TOP2A: variants seen among roughly 807,000 people sequenced by gnomAD.
The protein encoded by TOP2A is DNA topoisomerase II alpha.
Under a neutral mutation model 187.2 loss-of-function variants are expected in TOP2A, and 68 were observed. That is an observed-to-expected ratio of 0.36 (90% CI 0.30 to 0.44). The LOEUF (loss-of-function observed/expected upper bound fraction) is 0.44, where lower values mean the gene tolerates loss of function less well. TOP2A is among the 20% of genes least tolerant of loss of function. TOP2A has a pLI of 1.00. For synonymous variants in TOP2A, 542 were observed against 593.2 expected (o/e 0.91, Z 1.25); for missense variants, 1,196 against 1,808.7 (o/e 0.66, Z 6.14).
intron 11 of TOP2A, 94 bp from the exon 12 acceptor site, chr17:40,408,218 A>T: frequency 9.6e-7 from 1 of 1,044,226 alleles, no homozygotes; most frequent in Non-Finnish European, 1.4e-6. Context: ...GTGATAAAAC[A>T]CAATTTACTA....
chr17:40,408,500 T>C lies in TOP2A; in HGVS notation c.1334A>G (p.Asn445Ser), dbSNP rs1275627884. 3 of 1,612,578 alleles carry C rather than the reference T, an allele frequency of 1.9e-6. No individual in the cohort carries two copies. The highest frequency in any genetic ancestry group is 1.7e-5 in the Admixed American group (1 of 59,784). The change falls in exon 11 of 35, where the codon AAT becomes AGT. Residue 445 changes from asparagine to serine, a missense_variant. By Grantham distance (46) the Asn-to-Ser change is conservative (BLOSUM62 1). Coordinates refer to ENST00000423485, the MANE Select transcript of TOP2A (RefSeq NM_001067.4). ...CATTATTAAATATATACCTGCATCA[T>C]TGGCATCATCGAGTTTGGGAATTCC... ...IKGIPKLDDANDAGGRNSTEC... is the reference protein window; with the variant it reads ...IKGIPKLDDASDAGGRNSTEC...
chr17:40,392,971 C>T (rs1339652527), intron 29 of TOP2A, among the ~76,000 whole-genome samples: 3 of 152,102 alleles, frequency 2.0e-5, no homozygotes, highest in African/African-American at 7.2e-5. Context: ...CTTAGGGAGG[C>T]TGGGGCGGGA....
chr17:40,408,753 A>G (rs2035279441), intron 10 of TOP2A, 123 bp from the exon 11 acceptor site: 1 of 1,095,930 alleles, frequency 9.1e-7, no homozygotes, highest in Non-Finnish European at 1.4e-6. Context: ...GATGTAGAAC[A>G]ATAATTTCTG....
At chr17:40,392,402 T>C (rs2035036349) in intron 30 of TOP2A, 61 bp from the exon 31 acceptor site, 9 of 1,528,222 alleles carry the variant, frequency 5.9e-6, no homozygotes, top group Non-Finnish European at 7.1e-6. Flanking sequence ...AATTCATAGG[T>C]TGACATAACA....
intron 16 of TOP2A, among the ~76,000 whole-genome samples, chr17:40,405,634 T>A (rs944545935): frequency 1.3e-5 from 2 of 151,922 alleles, no homozygotes; most frequent in Admixed American, 1.3e-4. Flanking sequence ...TTTTATTTTT[T>A]ATTTTTTTTT....
chr17:40,398,647 T>A lies in TOP2A; in HGVS notation c.3454-6A>T, dbSNP rs1428410946. The A allele has an allele frequency of 3.8e-6, 6 of 1,599,038 alleles. No homozygotes were observed. Among genetic ancestry groups the A allele is most frequent in the Non-Finnish European group, 5.1e-6 (6 of 1,173,284 alleles). On this transcript the variant is annotated splice_region_variant and splice_polypyrimidine_tract_variant and intron_variant, in intron 26 of 34. Transcript: ENST00000423485. Reference sequence around the variant, plus strand: ...AATGTGTCCAGCTCTTGTTCCTTCATAAGATAATTACAAAATTGAGTTAAT... The same window carrying A: ...AATGTGTCCAGCTCTTGTTCCTTCAAAAGATAATTACAAAATTGAGTTAAT...
chr17:40,395,329 A>T, intron 29 of TOP2A, 120 bp downstream of exon 29: 1 of 475,376 alleles, frequency 2.1e-6, no homozygotes, highest in Non-Finnish European at 3.7e-6. Context: ...ATTGAGATAC[A>T]GTCCTCTTTC....
rs1419952665 is a variant in TOP2A, at chr17:40,402,781, CT to C, written c.2432+124del. ...GGGCTTTCCTGTATAAGCCTCACCC[CT>C]GGCCTCTGCCACTAGATGCCAGTAT... On this transcript the variant is annotated intron_variant, in intron 20 of 34. Transcript: ENST00000423485. 4.4e-5 allele frequency: 44 copies of C among 1,009,036 alleles called. No homozygotes were observed. The East Asian group carries it at 1.1e-3, about 26-fold the overall frequency. 62.5% of individuals were successfully genotyped at this position (1,009,036 alleles called of 1,614,324 possible).
chr17:40,391,118 A>C (rs889586598), intron 33 of TOP2A: 3 of 164,448 alleles, frequency 1.8e-5, no homozygotes, highest in African/African-American at 7.2e-5. Context: ...CAGTGGCTTG[A>C]TCATATAGCT....
chr17:40,400,186 C>T (rs1483582307), intron 23 of TOP2A, 23 bp downstream of exon 23: 7 of 1,609,894 alleles, frequency 4.3e-6, no homozygotes, highest in Non-Finnish European at 6.0e-6. Flanking sequence ...GAAACGTGTA[C>T]ATCTCACAAA....
chr17:40,401,330 CAA>C (rs2035177894), intron 20 of TOP2A, among the ~76,000 whole-genome samples: 1 of 152,022 alleles, frequency 6.6e-6, no homozygotes, highest in Non-Finnish European at 1.5e-5. Flanking sequence ...GTGGGATAAA[CAA>C]GAGAAGAAAA....
intron 34 of TOP2A, 97 bp downstream of exon 34, chr17:40,389,868 A>G: frequency 7.5e-7 from 1 of 1,328,308 alleles, no homozygotes; most frequent in South Asian, 1.5e-5. Context: ...TATGAGAGTT[A>G]ATTTTCTTAA....
intron 33 of TOP2A, 118 bp downstream of exon 33, chr17:40,391,388 G>T: frequency 9.4e-7 from 1 of 1,067,186 alleles, no homozygotes; most frequent in Non-Finnish European, 1.3e-6. Context: ...GCTTCCAATT[G>T]GAAAACATTT....
intron 33 of TOP2A, among the ~76,000 whole-genome samples, chr17:40,390,779 C>T (rs1471884840): frequency 6.6e-6 from 1 of 151,858 alleles, no homozygotes; most frequent in Admixed American, 6.6e-5. Flanking sequence ...GCATGTGCCA[C>T]CACACCTGGC....
chr17:40,409,679 G>T (rs1022272583), intron 10 of TOP2A: 18 of 222,044 alleles, frequency 8.1e-5, no homozygotes, highest in Non-Finnish European at 1.2e-4. Context: ...CAGCTACTCA[G>T]GAGGCAAGGA....
intron 20 of TOP2A, among the ~76,000 whole-genome samples, chr17:40,402,171 A>C (rs1417942206): frequency 6.6e-6 from 1 of 152,204 alleles, no homozygotes; most frequent in Non-Finnish European, 1.5e-5. Context: ...CTGAGCAATT[A>C]GAAGGATGGC....
rs917221907 is a variant in TOP2A, at chr17:40,400,766, T to C, written c.2664+84A>G. 9.1e-6 allele frequency: 14 copies of C among 1,539,650 alleles called. No individual in the cohort carries two copies. The African/African-American group carries it at 1.2e-4, about 14-fold the overall frequency. ...ATCTAAAGTATGAAATTAAATTTTA[T>C]GTTTGCATCATCTTTAATCATACAA... On this transcript the variant is annotated intron_variant, in intron 21 of 34. Coordinates refer to ENST00000423485, the MANE Select transcript of TOP2A (RefSeq NM_001067.4).
chr17:40,408,713 T>C, intron 10 of TOP2A, 83 bp from the exon 11 acceptor site: 1 of 1,399,584 alleles, frequency 7.1e-7, no homozygotes, highest in Non-Finnish European at 1.0e-6. Context: ...TGAGCCTTAA[T>C]ACAAATAAAA....
At chr17:40,414,856 A>G (rs1235499332) in intron 4 of TOP2A, among the ~76,000 whole-genome samples, 1 of 135,500 alleles carries the variant, frequency 7.4e-6, no homozygotes, top group Non-Finnish European at 1.6e-5. Flanking sequence ...AACTCCATCA[A>G]AAAAAAAAAA....
Sources: allele counts gnomAD v4.1 joint callset (sites outside exome capture counted in the v4.1 genomes callset), GRCh38; gene constraint gnomAD v4.1.1; transcripts MANE v1.5; gene names NCBI Gene and HGNC (gene_info 2026-07-23, HGNC 2026-07-21).